ZFPM2: variants seen among roughly 807,000 people sequenced by gnomAD.
The protein encoded by ZFPM2 is zinc finger protein ZFPM2.
Under a neutral mutation model 98.6 loss-of-function variants are expected in ZFPM2, and 20 were observed. The ratio of observed to expected loss-of-function variants is 0.20; its 90% CI spans 0.14 to 0.29. ZFPM2 has a LOEUF of 0.29. Among genes scored for constraint, ZFPM2 ranks in the 10% least tolerant of loss-of-function variants. The pLI is 1.00. For missense variants in ZFPM2, 1,310 were observed against 1,388.6 expected, an observed-to-expected ratio of 0.94 and a Z score of 0.90; for synonymous variants, 518 against 502.7, an observed-to-expected ratio of 1.03 and a Z score of -0.41.
chr8:105,464,639 A>G (rs540299805), intron 3 of ZFPM2, among the ~76,000 whole-genome samples: 2 of 152,120 alleles, frequency 1.3e-5, no homozygotes, highest in Admixed American at 6.6e-5. Flanking sequence ...AAGGGATTTA[A>G]TGGTGGGGTG....
At chr8:105,675,373 G>A (rs1307142021) in intron 5 of ZFPM2, among the ~76,000 whole-genome samples, 1 of 152,162 alleles carries the variant, frequency 6.6e-6, no homozygotes, top group Non-Finnish European at 1.5e-5. Context: ...GTGGGGAAAG[G>A]GAAAGTTATT....
chr8:105,704,383 G>A (rs1052353285), intron 5 of ZFPM2, among the ~76,000 whole-genome samples: 11 of 152,110 alleles, frequency 7.2e-5, no homozygotes, highest in African/African-American at 2.4e-4. Flanking sequence ...GGCCTCTTCC[G>A]TGGCTAGAGT....
At chr8:105,426,543 A>T (rs1243353217) in intron 2 of ZFPM2, among the ~76,000 whole-genome samples, 1 of 152,130 alleles carries the variant, frequency 6.6e-6, no homozygotes, top group South Asian at 2.1e-4. Flanking sequence ...TCCTGGATTC[A>T]GTACTTCTTC....
chr8:105,513,897 T>G (rs753042624), intron 3 of ZFPM2, among the ~76,000 whole-genome samples: 3 of 152,162 alleles, frequency 2.0e-5, no homozygotes, highest in Non-Finnish European at 2.9e-5. Flanking sequence ...CTGTAATCAC[T>G]CACTCTCATT....
intron 2 of ZFPM2, among the ~76,000 whole-genome samples, chr8:105,440,205 G>T (rs983340204): frequency 7.9e-5 from 12 of 152,110 alleles, no homozygotes; most frequent in Non-Finnish European, 1.2e-4. Flanking sequence ...AGTCTAAATA[G>T]AGATGGTAGC....
At chr8:105,474,684 T>G (rs1177987620) in intron 3 of ZFPM2, among the ~76,000 whole-genome samples, 1 of 152,230 alleles carries the variant, frequency 6.6e-6, no homozygotes, top group Non-Finnish European at 1.5e-5. Context: ...CTATCATTCA[T>G]TAGCTAATGT....
intron 3 of ZFPM2, among the ~76,000 whole-genome samples, chr8:105,515,978 C>T (rs904884781): frequency 7.8e-6 from 1 of 128,202 alleles, no homozygotes; most frequent in African/African-American, 3.0e-5. Flanking sequence ...AGTGCAGTGG[C>T]GTGATCTTGG....
chr8:105,522,152 G>A (rs1217599393), intron 3 of ZFPM2, among the ~76,000 whole-genome samples: 1 of 152,174 alleles, frequency 6.6e-6, no homozygotes, highest in Non-Finnish European at 1.5e-5. Context: ...TAAATAAAAT[G>A]AGATGAGACC....
intron 1 of ZFPM2, among the ~76,000 whole-genome samples, chr8:105,325,422 G>T (rs1427177889): frequency 6.6e-6 from 1 of 151,620 alleles, no homozygotes; most frequent in Admixed American, 6.6e-5. Flanking sequence ...GACTTTTCAG[G>T]CTTCAAGTTA....
chr8:105,488,643 A>C (rs1813285696), intron 3 of ZFPM2, among the ~76,000 whole-genome samples: 1 of 152,158 alleles, frequency 6.6e-6, no homozygotes, highest in African/African-American at 2.4e-5. Flanking sequence ...GCGCGCCTGT[A>C]GTCCCAGCTA....
intron 5 of ZFPM2, among the ~76,000 whole-genome samples, chr8:105,728,669 C>T (rs1468250839): frequency 6.6e-6 from 1 of 151,740 alleles, no homozygotes; most frequent in Non-Finnish European, 1.5e-5. Context: ...CATTAAATCT[C>T]GTGCAAAGAA....
At chr8:105,600,672 T>C (rs1440704146) in intron 4 of ZFPM2, among the ~76,000 whole-genome samples, 1 of 152,006 alleles carries the variant, frequency 6.6e-6, no homozygotes, top group Non-Finnish European at 1.5e-5. Flanking sequence ...GTTTAAACCC[T>C]TTTTGCCTTA....
At chr8:105,430,203 G>A (rs958129778) in intron 2 of ZFPM2, among the ~76,000 whole-genome samples, 3 of 152,078 alleles carry the variant, frequency 2.0e-5, no homozygotes, top group Non-Finnish European at 4.4e-5. Context: ...TCCTCCCAAG[G>A]CCCTGCACCT....
intron 5 of ZFPM2, among the ~76,000 whole-genome samples, chr8:105,756,972 A>G (rs1046542563): frequency 6.6e-6 from 1 of 152,212 alleles, no homozygotes; most frequent in African/African-American, 2.4e-5. Context: ...ACAGAATGTG[A>G]CAAATGAAAT....
At chr8:105,326,162 A>C (rs981443270) in intron 1 of ZFPM2, among the ~76,000 whole-genome samples, 1 of 151,708 alleles carries the variant, frequency 6.6e-6, no homozygotes, top group African/African-American at 2.4e-5. Context: ...AAAATCCTAA[A>C]CAATAAGGTG....
chr8:105,363,466 CAT>C (rs1215227287), intron 1 of ZFPM2, among the ~76,000 whole-genome samples: 1 of 152,054 alleles, frequency 6.6e-6, no homozygotes, highest in African/African-American at 2.4e-5. Flanking sequence ...AGAAAACTAA[CAT>C]GTATTATGTG....
At chr8:105,778,026 C>A (rs1813145495) in intron 5 of ZFPM2, among the ~76,000 whole-genome samples, 1 of 152,142 alleles carries the variant, frequency 6.6e-6, no homozygotes, top group South Asian at 2.1e-4. Context: ...GGAGGATCCA[C>A]ACAATACCTC....
At chr8:105,456,962 C>T (rs1331996040) in intron 3 of ZFPM2, among the ~76,000 whole-genome samples, 2 of 152,118 alleles carry the variant, frequency 1.3e-5, no homozygotes, top group African/African-American at 4.8e-5. Flanking sequence ...CGTGTTATTT[C>T]TTTTAAATTT....
At chr8:105,498,027 CAAAAAAAAA>C (rs1195802124) in intron 3 of ZFPM2, among the ~76,000 whole-genome samples, 6,432 of 61,936 alleles carry the variant, frequency 0.1, 202 homozygotes, top group South Asian at 0.18. Context: ...CCGTCTCTAC[CAAAAAAAAA>C]AAAAAAAAAA....
Sources: gnomAD v4.1 joint callset for allele counts (sites outside exome capture counted in the v4.1 genomes callset) on GRCh38, gnomAD v4.1.1 for gene constraint, MANE v1.5 for transcripts, NCBI Gene and HGNC (gene_info 2026-07-23, HGNC 2026-07-21) for gene names.